The following WDR64 variants were observed in gnomAD, a reference collection of about 807,000 sequenced individuals.
WDR64 encodes WD repeat domain 64.
In WDR64, 112 loss-of-function variants were observed where a neutral mutation model predicts 139.3. The ratio of observed to expected loss-of-function variants is 0.80; its 90% CI spans 0.69 to 0.94. WDR64 has a LOEUF of 0.94. Ranked by LOEUF, WDR64 falls within the 40% of genes least tolerant of loss-of-function variation. The probability of loss-of-function intolerance (pLI) is 0.00; values close to 1 mark genes in which losing one functional copy is unlikely to be tolerated. For missense variants in WDR64, 1,206 were observed against 1,293.1 expected, an observed-to-expected ratio of 0.93 and a Z score of 1.03; for synonymous variants, 444 against 437.7, an observed-to-expected ratio of 1.01 and a Z score of -0.18.
chr1:241,664,679 C>G (rs1201015347), intron 2 of WDR64, among the ~76,000 whole-genome samples: 5 of 151,940 alleles, frequency 3.3e-5, no homozygotes, highest in Admixed American at 3.3e-4. Context: ...CATAATCTTC[C>G]TTCATTTGTA....
At chr1:241,777,826 AGTTGTCTTTCT>A in intron 21 of WDR64, among the ~76,000 whole-genome samples, 1 of 152,232 alleles carries the variant, frequency 6.6e-6, no homozygotes, top group Admixed American at 6.5e-5. Flanking sequence ...GGGATTTTCC[AGTTGTCTTTCT>A]GTTACTGGTT....
intron 4 of WDR64, among the ~76,000 whole-genome samples, chr1:241,676,783 G>C (rs935433618): frequency 7.0e-6 from 1 of 142,178 alleles, no homozygotes; most frequent in Non-Finnish European, 1.5e-5. Flanking sequence ...GGGTCTCGCT[G>C]TGTTGTCCAG....
chr1:241,746,573 A>T (rs1669764812), intron 13 of WDR64, among the ~76,000 whole-genome samples: 1 of 92,858 alleles, frequency 1.1e-5, no homozygotes, highest in Admixed American at 9.7e-5. Flanking sequence ...CAAAAACTGA[A>T]AAAAAAAAAA....
Position 241,787,965 on chromosome 1 carries a change from A to T in WDR64, c.2822A>T (p.Glu941Val). Residue 941 changes from glutamate to valine, a missense_variant, in exon 24 of 28, where the codon GAA becomes GTA. Glu to Val is a moderately radical substitution (Grantham distance 121). Transcript: ENST00000437684. ...LPCDVTEYPI[E>V]IKEESKFTEK... The stretch of plus-strand genomic sequence containing the variant: ...TGTGATGTTACTGAATATCCCATAG[A>T]AATAAAAGAAGAAAGCAAGTTCACA... 1 of 1,609,244 alleles carries T rather than the reference A, an allele frequency of 6.2e-7. No homozygotes were observed. The highest frequency in any genetic ancestry group is 8.5e-7 in the Non-Finnish European group (1 of 1,178,876).
intron 22 of WDR64, among the ~76,000 whole-genome samples, chr1:241,782,619 C>T (rs950451478): frequency 2.6e-5 from 4 of 151,748 alleles, no homozygotes; most frequent in East Asian, 4.1e-4. Context: ...CCGAGGCCCA[C>T]GAGAGGCCCT....
At chr1:241,662,198 G>T (rs1665858202) in intron 2 of WDR64, among the ~76,000 whole-genome samples, 1 of 152,168 alleles carries the variant, frequency 6.6e-6, no homozygotes, top group Admixed American at 6.5e-5. Flanking sequence ...CATAAATTTA[G>T]CAATGAGAAG....
At chr1:241,745,338 G>A (rs925345841) in intron 13 of WDR64, among the ~76,000 whole-genome samples, 1 of 151,544 alleles carries the variant, frequency 6.6e-6, no homozygotes, top group African/African-American at 2.4e-5. Context: ...GATGGGGTAT[G>A]AATAAATGCA....
intron 25 of WDR64, 87 bp from the exon 26 acceptor site, chr1:241,795,120 A>C: frequency 8.9e-7 from 1 of 1,126,886 alleles, no homozygotes; most frequent in Non-Finnish European, 1.3e-6. Context: ...ACATCTAATA[A>C]GTGACAGAGT....
intron 9 of WDR64, among the ~76,000 whole-genome samples, chr1:241,720,244 A>G (rs976315148): frequency 6.6e-6 from 1 of 152,188 alleles, no homozygotes; most frequent in Admixed American, 6.5e-5. Flanking sequence ...TGCTATTGTG[A>G]ATAGTGTTGC....
In WDR64 at chr1:241,713,235, C is replaced by T. The variant is rs188204375; in HGVS notation, c.1054+1354C>T. Among the ~76,000 whole-genome samples, 4 of 150,686 alleles carry T rather than the reference C, an allele frequency of 2.7e-5. No individual in the cohort carries two copies. The East Asian group carries it at 5.9e-4, about 22-fold the overall frequency. On this transcript the variant is annotated intron_variant, in intron 9 of 27. Transcript: ENST00000437684. ...CTGAGGTGTGAGTATTGCTGGAACC[C>T]AGGATGTTGAGGCTGCAGTGAGCCG...
chr1:241,680,560 A>G (rs1462471383), intron 6 of WDR64, among the ~76,000 whole-genome samples: 1 of 152,120 alleles, frequency 6.6e-6, no homozygotes, highest in African/African-American at 2.4e-5. Context: ...CCTTGAAAAC[A>G]TCATGTTCCA....
intron 10 of WDR64, among the ~76,000 whole-genome samples, chr1:241,735,329 C>A (rs1028113886): frequency 8.7e-6 from 1 of 114,822 alleles, no homozygotes; most frequent in African/African-American, 3.3e-5. Flanking sequence ...GTAGTTTCTA[C>A]ACTTTGTGTC....
intron 22 of WDR64, among the ~76,000 whole-genome samples, chr1:241,781,075 C>A (rs1658828615): frequency 6.6e-6 from 1 of 152,120 alleles, no homozygotes; most frequent in African/African-American, 2.4e-5. Flanking sequence ...ATTGTTTTAT[C>A]CTACTGCTGA....
intron 14 of WDR64, among the ~76,000 whole-genome samples, chr1:241,754,320 C>CTTTTTTTTTTTTTT (rs71174845): frequency 7.2e-4 from 59 of 81,784 alleles, no homozygotes; most frequent in South Asian, 1.0e-3. Flanking sequence ...TTTTCTTTTT[C>CTTTTTTTTTTTTTT]TTTTTTTTTT....
At chr1:241,705,063 G>A (rs961230022) in intron 8 of WDR64, among the ~76,000 whole-genome samples, 3 of 152,122 alleles carry the variant, frequency 2.0e-5, no homozygotes, top group Admixed American at 1.3e-4. Flanking sequence ...CAAAGCAAGT[G>A]CTGACAGGTC....
At position 241,762,700 on chromosome 1, in the gene WDR64, T is replaced by C. The variant is rs557885035; in HGVS notation, c.1948-3518T>C. 2.8e-4 allele frequency among the ~76,000 whole-genome samples: 43 copies of C among 152,070 alleles called. 1 individual carries two copies. In the South Asian group the frequency reaches 8.3e-3, roughly 29 times the overall value. On this transcript the variant is annotated intron_variant, in intron 15 of 27. Transcript: ENST00000437684. Reference sequence around the variant, plus strand: ...TTGAGAAAAGTCTTCAGTTTTTTTCTCCCTGACATTAGCAAAACAACCATA... The same window carrying C: ...TTGAGAAAAGTCTTCAGTTTTTTTCCCCCTGACATTAGCAAAACAACCATA...
chr1:241,783,931 T>C (rs1658941838), intron 23 of WDR64, among the ~76,000 whole-genome samples: 1 of 152,222 alleles, frequency 6.6e-6, no homozygotes, highest in Non-Finnish European at 1.5e-5. Flanking sequence ...AACAAATTTC[T>C]GCATATTGAA....
chr1:241,687,345 A>T, intron 7 of WDR64, 116 bp from the exon 8 acceptor site: 2 of 1,176,544 alleles, frequency 1.7e-6, no homozygotes, highest in Non-Finnish European at 1.2e-6. Flanking sequence ...ATTGGGCTGT[A>T]TTCTACATTT....
chr1:241,740,686 G>C (rs1669504424), intron 11 of WDR64, among the ~76,000 whole-genome samples: 1 of 147,258 alleles, frequency 6.8e-6, no homozygotes, highest in Admixed American at 6.8e-5. Flanking sequence ...TTATTTTTTT[G>C]AGAAGGAGTC....
Sources: allele counts gnomAD v4.1 joint callset (sites outside exome capture counted in the v4.1 genomes callset), GRCh38; gene constraint gnomAD v4.1.1; transcripts MANE v1.5; gene names NCBI Gene and HGNC (gene_info 2026-07-23, HGNC 2026-07-21).